The following GCG variants were observed in gnomAD, a reference collection of about 807,000 sequenced individuals.
The protein encoded by GCG is pro-glucagon.
In GCG, 11 loss-of-function variants were observed where a neutral mutation model predicts 22.8. The ratio of observed to expected loss-of-function variants is 0.48; its 90% CI spans 0.30 to 0.80. The LOEUF is 0.80. GCG is among the 30% of genes least tolerant of loss of function. The probability of loss-of-function intolerance (pLI) is 0.06; values close to 1 mark genes in which losing one functional copy is unlikely to be tolerated. For synonymous variants in GCG, 89 were observed against 72.4 expected (o/e 1.23, Z -1.16); for missense variants, 222 against 222.0 (o/e 1.00, Z 0.00).
Position 162,144,041 on chromosome 2 carries a change from G to T in GCG, c.522C>A (p.Thr174=). 6.2e-7 allele frequency: 1 copy of T among 1,612,856 alleles called. No individual in the cohort carries two copies. Among genetic ancestry groups the T allele is most frequent in the Non-Finnish European group, 8.5e-7 (1 of 1,179,126 alleles). Residue 174 remains threonine (T), a synonymous_variant, in exon 5 of 6, where the codon ACC becomes ACA. Transcript: ENST00000418842. The part of the protein sequence containing the change: ...ARDFINWLIQ[T]KITDRK ...AAAGCAGTCACCTGTCAGTGATTTT[G>T]GTCTGAATCAACCAGTTTATAAAGT...
At chr2:162,152,122 C>T (rs1186783900) in intron 1 of GCG, 36 bp downstream of exon 1, 2 of 152,554 alleles carry the variant, frequency 1.3e-5, no homozygotes, top group East Asian at 1.9e-4. Context: ...CTTCACTGTC[C>T]GCCAAACAGG....
At chr2:162,151,574 T>A (rs1458195379) in intron 1 of GCG, among the ~76,000 whole-genome samples, 1 of 152,178 alleles carries the variant, frequency 6.6e-6, no homozygotes, top group East Asian at 1.9e-4. Context: ...CCCAAATAGA[T>A]GACACTTGTT....
chr2:162,143,067 T>C lies in GCG; in HGVS notation c.*297A>G. 3.8e-6 allele frequency: 1 copy of C among 260,488 alleles called. No homozygotes were observed. The highest frequency in any genetic ancestry group is 7.0e-5 in the East Asian group (1 of 14,244). 16.1% of individuals were successfully genotyped at this position (260,488 alleles called of 1,614,324 possible). On this transcript the variant is annotated 3_prime_UTR_variant, in exon 6 of 6. Coordinates refer to ENST00000418842, the MANE Select transcript of GCG (RefSeq NM_002054.5). Reference sequence around the variant, plus strand: ...TAATTTACATTTACAAATTATATCATAGAAAAATAATTTTATCGCTAAATG... The same window carrying C: ...TAATTTACATTTACAAATTATATCACAGAAAAATAATTTTATCGCTAAATG...
At chr2:162,147,630 G>T in intron 2 of GCG, 116 bp from the exon 3 acceptor site, 1 of 887,170 alleles carries the variant, frequency 1.1e-6, no homozygotes, top group Non-Finnish European at 1.9e-6. Context: ...GGCATCTAGA[G>T]TATTTCAATA....
chr2:162,149,127 T>G lies in GCG; in HGVS notation c.52A>C (p.Ser18Arg). 1 of 1,612,672 alleles carries G rather than the reference T, an allele frequency of 6.2e-7. No homozygotes were observed. The highest frequency in any genetic ancestry group is 8.5e-7 in the Non-Finnish European group (1 of 1,178,914). ...GTGTCTTGAAGGGAACGTTGCCAGC[T>G]GCCTTGTACCAGCATTACAAATAAT... is the stretch of plus-strand genomic sequence containing the variant. ...AGLFVMLVQG[S>R]WQRSLQDTEE... The change falls in exon 2 of 6, where the codon AGC (serine) becomes CGC (arginine). Residue 18 changes from serine to arginine, a missense_variant. Physicochemically the swap from Ser to Arg is moderately radical, Grantham distance 110. Transcript: ENST00000418842.
At chr2:162,149,965 T>C (rs1010188621) in intron 1 of GCG, among the ~76,000 whole-genome samples, 2 of 152,156 alleles carry the variant, frequency 1.3e-5, no homozygotes, top group Non-Finnish European at 2.9e-5. Context: ...TGTTTTCTAA[T>C]TGGACTTAGA....
chr2:162,148,430 G>T (rs1483224335), intron 2 of GCG, among the ~76,000 whole-genome samples: 2 of 151,922 alleles, frequency 1.3e-5, no homozygotes, highest in Middle Eastern at 3.2e-3. Flanking sequence ...AACAAATATT[G>T]TACATTTATG....
chr2:162,150,962 A>G (rs1686821242), intron 1 of GCG, among the ~76,000 whole-genome samples: 1 of 152,100 alleles, frequency 6.6e-6, no homozygotes, highest in African/African-American at 2.4e-5. Flanking sequence ...TGAAGAAAGA[A>G]CTGGCTTTAA....
At chr2:162,145,246 A>G (rs1013253403) in intron 4 of GCG, 8 of 247,840 alleles carry the variant, frequency 3.2e-5, no homozygotes, top group African/African-American at 6.7e-5. Flanking sequence ...CGTAGTTATT[A>G]AAAACATCCT....
At chr2:162,143,985 T>A (rs576194632) in intron 5 of GCG, 42 bp downstream of exon 5, 1 of 1,571,712 alleles carries the variant, frequency 6.4e-7, no homozygotes, top group Non-Finnish European at 8.7e-7. Context: ...TCAGTACTTA[T>A]GAGAATTTGA....
Position 162,143,146 on chromosome 2 carries a change from A to T in GCG, c.*218T>A. On this transcript the variant is annotated 3_prime_UTR_variant, in exon 6 of 6. Coordinates refer to ENST00000418842, the MANE Select transcript of GCG (RefSeq NM_002054.5). ...TAAGAAGAAAATAACAGAATCTAGC[A>T]CTTTCATATTTTAAAGCTGATATTT... The T allele has an allele frequency of 2.5e-6, 1 of 397,530 alleles. No individual in the cohort carries two copies. Among genetic ancestry groups the T allele is most frequent in the Non-Finnish European group, 4.6e-6 (1 of 216,342 alleles). 24.6% of individuals were successfully genotyped at this position (397,530 alleles called of 1,614,324 possible).
At chr2:162,145,272 T>C in intron 4 of GCG, 1 of 301,564 alleles carries the variant, frequency 3.3e-6, no homozygotes. Flanking sequence ...CTCTCAGAGG[T>C]GGCCTGGTTT....
chr2:162,147,406 G>A lies in GCG; in HGVS notation c.201C>T (p.Asp67=), dbSNP rs1686716564. 6.2e-7 allele frequency: 1 copy of A among 1,612,884 alleles called. No homozygotes were observed. Among genetic ancestry groups the A allele is most frequent in the Non-Finnish European group, 8.5e-7 (1 of 1,179,114 alleles). The change falls in exon 3 of 6, where the codon GAC becomes GAT. Residue 67 remains aspartate, a synonymous_variant. Transcript: ENST00000418842. ...TFTSDYSKYL[D]SRRAQDFVQW... Reference sequence around the variant, plus strand: ...GCACAAAATCTTGGGCACGCCTGGAGTCCAGATACTTGCTGTAGTCACTGG... The same window carrying A: ...GCACAAAATCTTGGGCACGCCTGGAATCCAGATACTTGCTGTAGTCACTGG...
chr2:162,147,494 GC>G lies in GCG; in HGVS notation c.112del (p.Ala38GlnfsTer10). On this transcript the variant is annotated frameshift_variant, in exon 3 of 6. Coordinates refer to ENST00000418842, the MANE Select transcript of GCG (RefSeq NM_002054.5). LOFTEE classifies it high-confidence loss of function. ...CTGATCAGGATCACTGAGTGGGTCTGCCTGGGAAGCTGAGAATGATCTGTGA... is the reference window on the plus strand; with the variant it reads ...CTGATCAGGATCACTGAGTGGGTCTGCTGGGAAGCTGAGAATGATCTGTGA... The part of the protein sequence containing the change: ...EKSRSFSASQ[A>X]DPLSDPDQMN... 6.2e-7 allele frequency: 1 copy of G among 1,613,112 alleles called. No individual in the cohort carries two copies. Among genetic ancestry groups the G allele is most frequent in the Non-Finnish European group, 8.5e-7 (1 of 1,179,284 alleles).
Position 162,144,046 on chromosome 2 carries a change from G to T in GCG, c.517C>A (p.Gln173Lys), listed in dbSNP as rs199563306. The T allele has an allele frequency of 1.1e-4, 173 of 1,612,896 alleles. No individual in the cohort carries two copies. The highest frequency in any genetic ancestry group is 1.4e-4 in the Non-Finnish European group (163 of 1,179,232). ...AARDFINWLI[Q>K]TKITDRK is the part of the protein sequence containing the mutation. ...AGTCACCTGTCAGTGATTTTGGTCT[G>T]AATCAACCAGTTTATAAAGTCCCTG... Residue 173 changes from glutamine (Q) to lysine (K), a missense_variant, in exon 5 of 6, where the codon CAG becomes AAG. Transcript: ENST00000418842.
intron 1 of GCG, among the ~76,000 whole-genome samples, chr2:162,151,823 G>A (rs1686844550): frequency 6.6e-6 from 1 of 152,042 alleles, no homozygotes; most frequent in Non-Finnish European, 1.5e-5. Context: ...TCAAGTCCAA[G>A]AAAAATATTT....
At chr2:162,143,983 T>C in intron 5 of GCG, 44 bp downstream of exon 5, 1 of 1,563,794 alleles carries the variant, frequency 6.4e-7, no homozygotes, top group Non-Finnish European at 8.8e-7. Context: ...AATCAGTACT[T>C]ATGAGAATTT....
At position 162,145,671 on chromosome 2, in the gene GCG, G is replaced by A; in HGVS notation, c.261C>T (p.Asn87=). 1 of 1,609,030 alleles carries A rather than the reference G, an allele frequency of 6.2e-7. No individual in the cohort carries two copies. The highest frequency in any genetic ancestry group is 8.5e-7 in the Non-Finnish European group (1 of 1,177,408). ...WLMNTKRNRN[N]IAKRHDEFER... ...CAAATTCATCGTGACGTTTGGCAAT[G>A]TTATTCCTGAAAGAAATGTGAAAGT... The change falls in exon 4 of 6, where the codon AAC becomes AAT. Residue 87 remains asparagine, a synonymous_variant. Coordinates refer to ENST00000418842, the MANE Select transcript of GCG (RefSeq NM_002054.5).
chr2:162,145,279 G>T, intron 4 of GCG: 1 of 315,650 alleles, frequency 3.2e-6, no homozygotes, highest in Non-Finnish European at 5.7e-6. Flanking sequence ...AGGTGGCCTG[G>T]TTTGGCCAAA....
Sources: allele counts gnomAD v4.1 joint callset (sites outside exome capture counted in the v4.1 genomes callset), GRCh38; gene constraint gnomAD v4.1.1; transcripts MANE v1.5; gene names NCBI Gene and HGNC (gene_info 2026-07-23, HGNC 2026-07-21).